The following LRRC4C variants were observed in gnomAD, a reference collection of about 807,000 sequenced individuals.
The protein encoded by LRRC4C is leucine rich repeat containing 4C, also known as leucine-rich repeat-containing protein 4C.
A neutral mutation model predicts 33.6 loss-of-function variants in LRRC4C; 5 were observed. The ratio of observed to expected loss-of-function variants is 0.15; its 90% confidence interval spans 0.08 to 0.31. The LOEUF (loss-of-function observed/expected upper bound fraction) is 0.31, where lower values mean the gene tolerates loss of function less well. LRRC4C is among the 10% of genes least tolerant of loss of function. The probability of loss-of-function intolerance (pLI) is 1.00; values close to 1 mark genes in which losing one functional copy is unlikely to be tolerated. For missense variants in LRRC4C, 560 were observed against 796.7 expected (o/e 0.70, Z 3.58); for synonymous variants, 329 against 302.0 (o/e 1.09, Z -0.93).
intron 5 of LRRC4C, among the ~76,000 whole-genome samples, chr11:40,180,539 G>A (rs976771669): frequency 1.3e-5 from 2 of 151,908 alleles, no homozygotes; most frequent in African/African-American, 4.8e-5. Context: ...TAGCACTGAG[G>A]GACTACATAA....
chr11:40,418,981 A>T (rs1249472604), intron 3 of LRRC4C, among the ~76,000 whole-genome samples: 1 of 152,032 alleles, frequency 6.6e-6, no homozygotes, highest in Non-Finnish European at 1.5e-5. Flanking sequence ...TGGTCGGGGG[A>T]TAGGGGGAGG....
intron 1 of LRRC4C, among the ~76,000 whole-genome samples, chr11:41,389,329 C>A (rs1419588799): frequency 6.6e-6 from 1 of 151,752 alleles, no homozygotes; most frequent in Admixed American, 6.6e-5. Context: ...TAGATATGCA[C>A]CCAGAGTCCC....
intron 1 of LRRC4C, among the ~76,000 whole-genome samples, chr11:41,374,134 G>T (rs1207327284): frequency 6.6e-6 from 1 of 152,084 alleles, no homozygotes; most frequent in Non-Finnish European, 1.5e-5. Flanking sequence ...AAACTGCCTT[G>T]AACCATCTGT....
At chr11:40,221,935 G>T (rs1040187760) in intron 5 of LRRC4C, among the ~76,000 whole-genome samples, 1 of 152,046 alleles carries the variant, frequency 6.6e-6, no homozygotes. Context: ...GAGTCTCGTC[G>T]ATGCCCTCGG....
intron 2 of LRRC4C, among the ~76,000 whole-genome samples, chr11:40,733,991 G>T (rs1306670451): frequency 6.6e-6 from 1 of 152,094 alleles, no homozygotes; most frequent in African/African-American, 2.4e-5. Flanking sequence ...GTAAAAAGAT[G>T]CCCATGCTTT....
At chr11:40,542,064 T>TTCTTTCTTTCTTTCTC (rs1555096437) in intron 3 of LRRC4C, among the ~76,000 whole-genome samples, 2 of 151,648 alleles carry the variant, frequency 1.3e-5, no homozygotes, top group Non-Finnish European at 2.9e-5. Context: ...CTTTCTTTCT[T>TTCTTTCTTTCTTTCTC]TCTCTCTCTC....
At chr11:40,909,335 A>G (rs1319998394) in intron 2 of LRRC4C, among the ~76,000 whole-genome samples, 1 of 152,158 alleles carries the variant, frequency 6.6e-6, no homozygotes, top group Non-Finnish European at 1.5e-5. Context: ...ATAGATTTCA[A>G]TGGACAATAT....
chr11:41,378,363 G>A (rs1157779402), intron 1 of LRRC4C, among the ~76,000 whole-genome samples: 3 of 152,076 alleles, frequency 2.0e-5, no homozygotes, highest in Non-Finnish European at 4.4e-5. Context: ...TGTCTCTGAA[G>A]ACTAAAATGC....
chr11:40,966,524 T>C (rs1668493585), intron 1 of LRRC4C, among the ~76,000 whole-genome samples: 1 of 151,992 alleles, frequency 6.6e-6, no homozygotes. Context: ...TATCACAATG[T>C]TTGCTTTTAG....
At chr11:40,800,133 G>T (rs2135268787) in intron 2 of LRRC4C, among the ~76,000 whole-genome samples, 1 of 152,276 alleles carries the variant, frequency 6.6e-6, no homozygotes, top group East Asian at 1.9e-4. Context: ...AATTAATTTT[G>T]TTTAAGTTTT....
At chr11:40,348,696 C>T (rs906297955) in intron 3 of LRRC4C, among the ~76,000 whole-genome samples, 2 of 152,098 alleles carry the variant, frequency 1.3e-5, no homozygotes, top group Non-Finnish European at 2.9e-5. Flanking sequence ...ATGTGATAAT[C>T]CAAATCTGTA....
intron 2 of LRRC4C, among the ~76,000 whole-genome samples, chr11:40,826,478 G>T (rs913212667): frequency 7.2e-5 from 11 of 151,902 alleles, no homozygotes; most frequent in African/African-American, 2.7e-4. Flanking sequence ...AAGGGTATGT[G>T]CCATACGCCC....
chr11:41,419,127 T>A (rs1349453967), intron 1 of LRRC4C, among the ~76,000 whole-genome samples: 1 of 151,900 alleles, frequency 6.6e-6, no homozygotes, highest in Non-Finnish European at 1.5e-5. Flanking sequence ...GTAACATTAC[T>A]AAATACAAAC....
At chr11:40,726,107 C>G (rs1374268576) in intron 2 of LRRC4C, among the ~76,000 whole-genome samples, 1 of 150,976 alleles carries the variant, frequency 6.6e-6, no homozygotes, top group Non-Finnish European at 1.5e-5. Flanking sequence ...GATTGAAAGC[C>G]TGAAAAGACC....
intron 2 of LRRC4C, among the ~76,000 whole-genome samples, chr11:40,683,021 A>G (rs1277078927): frequency 6.6e-6 from 1 of 152,218 alleles, no homozygotes; most frequent in East Asian, 1.9e-4. Flanking sequence ...TGCAAAAGAA[A>G]TAAAGAAACG....
At chr11:40,810,155 G>T (rs1951426190) in intron 2 of LRRC4C, among the ~76,000 whole-genome samples, 1 of 152,076 alleles carries the variant, frequency 6.6e-6, no homozygotes, top group African/African-American at 2.4e-5. Context: ...TATTGTTCAG[G>T]TTACCAGTGA....
At chr11:40,667,708 G>T (rs563476209) in intron 2 of LRRC4C, among the ~76,000 whole-genome samples, 34 of 152,280 alleles carry the variant, frequency 2.2e-4, no homozygotes, top group African/African-American at 7.7e-4. Flanking sequence ...TAGCCAGTGA[G>T]AAATGGGACC....
intron 3 of LRRC4C, among the ~76,000 whole-genome samples, chr11:40,406,121 A>G (rs1474139412): frequency 6.6e-6 from 1 of 152,070 alleles, no homozygotes; most frequent in African/African-American, 2.4e-5. Context: ...TAGCCTCTAT[A>G]TTTTCTAAAG....
rs115474529 is a variant in LRRC4C at position 40,848,817 on chromosome 11, T to C, written c.-407+84818A>G. Among the ~76,000 whole-genome samples, 224 of 152,316 alleles carry C rather than the reference T, an allele frequency of 1.5e-3. 2 individuals carry two copies. The highest frequency in any genetic ancestry group is 5.2e-3 in the African/African-American group (218 of 41,556). On this transcript the variant is annotated intron_variant, in intron 2 of 6. Coordinates refer to ENST00000528697, the MANE Select transcript of LRRC4C (RefSeq NM_001258419.2). ...GGTCTCTCTGGACTTGCTTTATGAA[T>C]CTGGGTATTCCTGTACTGGGTGCAT...
Sources: allele counts gnomAD v4.1 joint callset (sites outside exome capture counted in the v4.1 genomes callset), GRCh38; gene constraint gnomAD v4.1.1; transcripts MANE v1.5; gene names NCBI Gene and HGNC (gene_info 2026-07-23, HGNC 2026-07-21).